Variants in CPED1 observed in about 807,000 individuals in gnomAD.
The protein encoded by CPED1 is cadherin like and PC-esterase domain containing 1, also known as cadherin-like and PC-esterase domain-containing protein 1.
CPED1 carries 114 observed loss-of-function variants against 128.2 expected under a neutral mutation model. The observed-to-expected ratio is 0.89, with a 90% CI of 0.76 to 1.04. The LOEUF (loss-of-function observed/expected upper bound fraction) is 1.04, where lower values mean the gene tolerates loss of function less well. Ranked by LOEUF, CPED1 falls within the 50% of genes least tolerant of loss-of-function variation. The pLI is 0.00. For missense variants in CPED1, 1,211 were observed against 1,207.1 expected (o/e 1.00, Z -0.05); for synonymous variants, 462 against 426.7 (o/e 1.08, Z -1.02).
intron 16 of CPED1, among the ~76,000 whole-genome samples, chr7:121,210,077 A>G (rs145704086): frequency 3.0e-4 from 46 of 152,204 alleles, no homozygotes; most frequent in African/African-American, 1.0e-3. Context: ...ATCATTGATC[A>G]TCAGAGAAAT....
chr7:121,048,866 A>G (rs766042216), intron 4 of CPED1, among the ~76,000 whole-genome samples: 1 of 152,156 alleles, frequency 6.6e-6, no homozygotes, highest in Non-Finnish European at 1.5e-5. Context: ...CACATCTGTC[A>G]TCTATTCTCT....
intron 12 of CPED1, among the ~76,000 whole-genome samples, chr7:121,131,229 T>G (rs1427827522): frequency 6.6e-6 from 1 of 152,138 alleles, no homozygotes; most frequent in African/African-American, 2.4e-5. Context: ...TAATCATATA[T>G]TTGAAGAATT....
At chr7:121,066,233 A>G (rs1053039733) in intron 5 of CPED1, among the ~76,000 whole-genome samples, 2 of 152,076 alleles carry the variant, frequency 1.3e-5, no homozygotes, top group African/African-American at 4.8e-5. Flanking sequence ...GCTGTGTTTC[A>G]TTTGGAGGTT....
intron 18 of CPED1, among the ~76,000 whole-genome samples, chr7:121,245,939 C>T (rs373240988): frequency 3.8e-4 from 58 of 151,974 alleles, no homozygotes; most frequent in African/African-American, 1.2e-3. Context: ...GTGATCCACC[C>T]GCCTCGGCCT....
At chr7:121,047,712 CTTCTT>C (rs1196018558) in intron 4 of CPED1, among the ~76,000 whole-genome samples, 1 of 60,150 alleles carries the variant, frequency 1.7e-5, no homozygotes, top group Non-Finnish European at 3.3e-5. Flanking sequence ...TCTTCTTCTT[CTTCTT>C]TTTTTTTTTT....
intron 16 of CPED1, among the ~76,000 whole-genome samples, chr7:121,201,640 A>T (rs1039712847): frequency 6.6e-6 from 1 of 152,126 alleles, no homozygotes; most frequent in African/African-American, 2.4e-5. Flanking sequence ...GGGAGCAGTT[A>T]GCTCATACCT....
chr7:121,082,923 A>C (rs1397070455), intron 5 of CPED1, among the ~76,000 whole-genome samples: 1 of 152,208 alleles, frequency 6.6e-6, no homozygotes, highest in Admixed American at 6.5e-5. Flanking sequence ...TCATCAACTA[A>C]AATGATCCTT....
chr7:121,042,381 G>A (rs1793082011), intron 3 of CPED1, among the ~76,000 whole-genome samples: 1 of 152,110 alleles, frequency 6.6e-6, no homozygotes, highest in African/African-American at 2.4e-5. Flanking sequence ...ACAAACAGAT[G>A]TACCAGACAG....
At chr7:121,218,846 A>G (rs1415499305) in intron 16 of CPED1, among the ~76,000 whole-genome samples, 1 of 152,092 alleles carries the variant, frequency 6.6e-6, no homozygotes, top group East Asian at 1.9e-4. Context: ...CCCAGAACTT[A>G]AAGTATAATC....
chr7:121,246,938 T>A (rs764664572), intron 18 of CPED1, among the ~76,000 whole-genome samples: 21 of 152,230 alleles, frequency 1.4e-4, no homozygotes, highest in Non-Finnish European at 2.6e-4. Flanking sequence ...GCTCAGAAAT[T>A]CAAATTTGCC....
At chr7:121,105,383 C>T (rs973766093) in intron 7 of CPED1, among the ~76,000 whole-genome samples, 2 of 152,002 alleles carry the variant, frequency 1.3e-5, no homozygotes, top group Non-Finnish European at 2.9e-5. Context: ...GGTTTTTCAA[C>T]CTTAGGAAGT....
chr7:120,994,523 G>T (rs1390015460), intron 2 of CPED1, among the ~76,000 whole-genome samples: 1 of 152,062 alleles, frequency 6.6e-6, no homozygotes, highest in African/African-American at 2.4e-5. Flanking sequence ...AGAGGGTAGA[G>T]AAAGAAAAAA....
chr7:121,034,119 T>G (rs528954854), intron 3 of CPED1, among the ~76,000 whole-genome samples: 77 of 152,248 alleles, frequency 5.1e-4, no homozygotes, highest in Admixed American at 1.4e-3. Flanking sequence ...GCATAAGGAA[T>G]GTCTATCAAA....
intron 22 of CPED1, 56 bp from the exon 23 acceptor site, chr7:121,295,384 G>A (rs557222100): frequency 4.1e-5 from 63 of 1,544,182 alleles, no homozygotes; most frequent in Non-Finnish European, 5.2e-5. Flanking sequence ...AGTTAGTTAT[G>A]CAGGGATTGG....
In CPED1 at chr7:121,225,721, A is replaced by G. The variant is rs544490235; in HGVS notation, c.2056-10993A>G. On this transcript the variant is annotated intron_variant, in intron 16 of 22. Coordinates refer to ENST00000310396, the MANE Select transcript of CPED1 (RefSeq NM_024913.5). Reference sequence around the variant, plus strand: ...TAACCTTGTTTTCTCTCTTCATTTCATTCATTTGATCTTCAATCACTGATA... The same window carrying G: ...TAACCTTGTTTTCTCTCTTCATTTCGTTCATTTGATCTTCAATCACTGATA... Among the ~76,000 whole-genome samples the G allele has an allele frequency of 1.3e-4, 19 of 151,930 alleles. No individual in the cohort carries two copies. In the South Asian group the frequency reaches 3.7e-3, roughly 30 times the overall value.
chr7:121,038,354 CT>C (rs1792957238), intron 3 of CPED1, among the ~76,000 whole-genome samples: 1 of 151,978 alleles, frequency 6.6e-6, no homozygotes, highest in African/African-American at 2.4e-5. Flanking sequence ...CAAATTTGAT[CT>C]ATTTTTCAGT....
At chr7:121,117,098 T>TATATATATATATATAAAA (rs1226906588) in intron 7 of CPED1, among the ~76,000 whole-genome samples, 1 of 134,660 alleles carries the variant, frequency 7.4e-6, no homozygotes, top group African/African-American at 2.8e-5. Context: ...TATATATATA[T>TATATATATATATATAAAA]AAATATATAT....
intron 18 of CPED1, among the ~76,000 whole-genome samples, chr7:121,250,209 T>A (rs1798637857): frequency 6.6e-6 from 1 of 152,098 alleles, no homozygotes; most frequent in South Asian, 2.1e-4. Context: ...AACAACCTGC[T>A]CCTGAATAAC....
chr7:121,106,808 A>G (rs1794989554), intron 7 of CPED1, among the ~76,000 whole-genome samples: 1 of 152,104 alleles, frequency 6.6e-6, no homozygotes, highest in East Asian at 1.9e-4. Flanking sequence ...GAAGCTCTTA[A>G]AAATTAATCT....
Sources: allele counts gnomAD v4.1 joint callset (sites outside exome capture counted in the v4.1 genomes callset), GRCh38; gene constraint gnomAD v4.1.1; transcripts MANE v1.5; gene names NCBI Gene and HGNC (gene_info 2026-07-23, HGNC 2026-07-21).